The following CCDC18 variants were observed in gnomAD, a reference collection of about 807,000 sequenced individuals.
The protein encoded by CCDC18 is coiled-coil domain containing 18.
In CCDC18, 157 loss-of-function variants were observed where a neutral mutation model predicts 196.0. The observed-to-expected ratio is 0.80, with a 90% CI of 0.70 to 0.91. The LOEUF is 0.91. Ranked by LOEUF, CCDC18 falls within the 40% of genes least tolerant of loss-of-function variation. The pLI is 0.00. For missense variants in CCDC18, 1,465 were observed against 1,611.6 expected (o/e 0.91, Z 1.56); for synonymous variants, 482 against 529.2 (o/e 0.91, Z 1.22).
chr1:93,194,222 A>G (rs901031870), intron 6 of CCDC18, among the ~76,000 whole-genome samples: 1 of 152,152 alleles, frequency 6.6e-6, no homozygotes, highest in Non-Finnish European at 1.5e-5. Context: ...AAAAATATCT[A>G]TTTTGTATAA....
chr1:93,233,600 T>C (rs1164658423), intron 18 of CCDC18, among the ~76,000 whole-genome samples: 1 of 149,048 alleles, frequency 6.7e-6, no homozygotes, highest in African/African-American at 2.6e-5. Context: ...AGGCAGGTAT[T>C]CTGTATTTTT....
Position 93,270,551 on chromosome 1 carries a change from A to G in CCDC18, c.4090A>G (p.Ile1364Val). The change falls in exon 28 of 29, where the codon ATT becomes GTT. Residue 1364 changes from isoleucine to valine, a missense_variant. Ile to Val is a conservative substitution (Grantham distance 29). Transcript: ENST00000690025. The part of the protein sequence containing the change: ...SISASDLTFK[I>V]HGDEDLSEEL... The stretch of plus-strand genomic sequence containing the variant: ...TAGTGCCAGTGATCTTACTTTCAAA[A>G]TTCATGGTGATGAAGATCTTTCTGA... The G allele has an allele frequency of 6.4e-7, 1 of 1,550,440 alleles. No homozygotes were observed.
upstream of CCDC18, chr1:93,180,368 CGCGGCGGCG>C: frequency 7.6e-7 from 1 of 1,315,898 alleles, no homozygotes; most frequent in Non-Finnish European, 1.0e-6. Context: ...AGGTGGCGGC[CGCGGCGGCG>C]GCGAACACTC....
At chr1:93,190,444 G>A (rs555040749) in intron 4 of CCDC18, among the ~76,000 whole-genome samples, 2 of 152,236 alleles carry the variant, frequency 1.3e-5, no homozygotes, top group East Asian at 1.9e-4. Flanking sequence ...CCGAGATCGC[G>A]CCACTGCACT....
chr1:93,268,812 T>G (rs1664892522), intron 27 of CCDC18, among the ~76,000 whole-genome samples: 1 of 151,758 alleles, frequency 6.6e-6, no homozygotes, highest in South Asian at 2.1e-4. Flanking sequence ...CTAGGAACAC[T>G]TTTACACTGT....
At chr1:93,224,786 T>C (rs143484605) in intron 16 of CCDC18, among the ~76,000 whole-genome samples, 42 of 152,366 alleles carry the variant, frequency 2.8e-4, no homozygotes, top group African/African-American at 9.4e-4. Flanking sequence ...AAATGAGTTA[T>C]TACACTGTTA....
chr1:93,197,170 A>C (rs1652862030), intron 6 of CCDC18, among the ~76,000 whole-genome samples: 1 of 152,210 alleles, frequency 6.6e-6, no homozygotes, highest in Non-Finnish European at 1.5e-5. Context: ...AGAAGTAAGG[A>C]AATAATAAAG....
intron 16 of CCDC18, among the ~76,000 whole-genome samples, chr1:93,223,486 A>C (rs534767185): frequency 6.6e-6 from 1 of 152,236 alleles, no homozygotes; most frequent in African/African-American, 2.4e-5. Context: ...ATGTCTCTCA[A>C]CATGCCTCAA....
At chr1:93,276,637 A>G (rs1665636288) in intron 28 of CCDC18, among the ~76,000 whole-genome samples, 1 of 152,216 alleles carries the variant, frequency 6.6e-6, no homozygotes. Context: ...TAATACCTAG[A>G]GACATGATAA....
chr1:93,179,939 G>C (rs570122389), upstream of CCDC18: 9 of 1,161,838 alleles, frequency 7.7e-6, no homozygotes, highest in African/African-American at 1.6e-5. Context: ...CTTCCTGAAC[G>C]GCCCTCGCCT....
intron 23 of CCDC18, among the ~76,000 whole-genome samples, chr1:93,250,145 G>A (rs1405168629): frequency 6.6e-6 from 1 of 151,698 alleles, no homozygotes; most frequent in African/African-American, 2.4e-5. Flanking sequence ...ACATATTTAT[G>A]TATTCTGGAT....
intron 7 of CCDC18, among the ~76,000 whole-genome samples, chr1:93,204,796 A>G (rs1484029364): frequency 6.6e-6 from 1 of 152,018 alleles, no homozygotes; most frequent in Non-Finnish European, 1.5e-5. Context: ...GGGTACTGAA[A>G]TCTTAAGTGT....
At chr1:93,232,969 TAAA>T (rs1197690862) in intron 18 of CCDC18, among the ~76,000 whole-genome samples, 1 of 144,922 alleles carries the variant, frequency 6.9e-6, no homozygotes, top group African/African-American at 2.5e-5. Context: ...AGACTCCGCC[TAAA>T]AAAAAAAAAA....
chr1:93,212,356 T>A, intron 11 of CCDC18, 95 bp downstream of exon 11: 1 of 752,810 alleles, frequency 1.3e-6, no homozygotes, highest in Non-Finnish European at 2.0e-6. Flanking sequence ...TTTTTTAATT[T>A]AAGTTCAGGG....
At chr1:93,180,688 G>A (rs774140843), upstream of CCDC18, 1 of 1,345,698 alleles carries the variant, frequency 7.4e-7, no homozygotes, top group Non-Finnish European at 9.9e-7. Flanking sequence ...GGGCGGGGCA[G>A]TGACCGGGTA....
chr1:93,245,819 T>G (rs1661428503), intron 21 of CCDC18, among the ~76,000 whole-genome samples: 1 of 152,112 alleles, frequency 6.6e-6, no homozygotes, highest in African/African-American at 2.4e-5. Context: ...TTATAATCAT[T>G]CAATCTTGGA....
rs141123796 is a variant in CCDC18 at position 93,180,791 on chromosome 1, G to A, written c.-64G>A. On this transcript the variant is annotated 5_prime_UTR_variant, in exon 1 of 29. Transcript: ENST00000690025. ...TGTGTCCGAGGCTTCCACGCGCAGG[G>A]GCCCGGGAAAGGGTCAGAGGCTTCC... 9.1e-4 allele frequency: 1,242 copies of A among 1,367,738 alleles called. 11 individuals are homozygous for A. In the African/African-American group the frequency reaches 0.016, roughly 18 times the overall value. 84.7% of individuals were successfully genotyped at this position (1,367,738 alleles called of 1,614,324 possible).
intron 28 of CCDC18, among the ~76,000 whole-genome samples, chr1:93,276,192 A>T (rs927383898): frequency 6.6e-6 from 1 of 152,264 alleles, no homozygotes; most frequent in Non-Finnish European, 1.5e-5. Flanking sequence ...GAAGTGTTTA[A>T]TAAGTGTTAG....
At chr1:93,191,135 C>G in intron 4 of CCDC18, 1 of 506,510 alleles carries the variant, frequency 2.0e-6, no homozygotes, top group Non-Finnish European at 3.6e-6. Flanking sequence ...GCAAAGAATC[C>G]TTTAGTTTCT....
Sources: gnomAD v4.1 joint callset for allele counts (sites outside exome capture counted in the v4.1 genomes callset) on GRCh38, gnomAD v4.1.1 for gene constraint, MANE v1.5 for transcripts, NCBI Gene and HGNC (gene_info 2026-07-23, HGNC 2026-07-21) for gene names.